RXRA: variants seen among roughly 807,000 people sequenced by gnomAD.
The protein encoded by RXRA is retinoid X receptor alpha.
A neutral mutation model predicts 44.5 loss-of-function variants in RXRA; 5 were observed. The ratio of observed to expected loss-of-function variants is 0.11; its 90% confidence interval spans 0.06 to 0.24. The LOEUF is 0.24. Among genes scored for constraint, RXRA ranks in the 10% least tolerant of loss-of-function variants. RXRA has a pLI of 1.00. For missense variants in RXRA, 412 were observed against 646.5 expected, an observed-to-expected ratio of 0.64 and a Z score of 3.93; for synonymous variants, 291 against 271.4, an observed-to-expected ratio of 1.07 and a Z score of -0.71.
intron 3 of RXRA, 67 bp downstream of exon 3, chr9:134,408,366 C>T (rs1831091912): frequency 6.7e-7 from 1 of 1,487,456 alleles, no homozygotes; most frequent in African/African-American, 1.4e-5. Context: ...GGTCTGGAGG[C>T]CTCCCCAAAT....
At chr9:134,431,769 TC>T in intron 7 of RXRA, 135 bp from the exon 8 acceptor site, 1 of 618,452 alleles carries the variant, frequency 1.6e-6, no homozygotes, top group Non-Finnish European at 2.8e-6. Flanking sequence ...TGTCTGGGAG[TC>T]CTTGCCTTGG....
At chr9:134,431,309 G>A (rs895406863) in intron 7 of RXRA, among the ~76,000 whole-genome samples, 3 of 152,388 alleles carry the variant, frequency 2.0e-5, no homozygotes, top group African/African-American at 7.2e-5. Context: ...CGCCCCCAGC[G>A]TCTCCATGGA....
intron 1 of RXRA, among the ~76,000 whole-genome samples, chr9:134,396,027 C>T (rs1418353791): frequency 2.0e-5 from 3 of 152,186 alleles, no homozygotes; most frequent in Non-Finnish European, 2.9e-5. Flanking sequence ...GCAGCAGGTA[C>T]GGAGAGCCCA....
chr9:134,372,408 GC>G (rs1192558677), intron 1 of RXRA, among the ~76,000 whole-genome samples: 2 of 152,196 alleles, frequency 1.3e-5, no homozygotes, highest in Admixed American at 6.5e-5. Flanking sequence ...GGGGCCGCAG[GC>G]GAGGGTCCCT....
intron 1 of RXRA, among the ~76,000 whole-genome samples, chr9:134,386,874 C>G (rs1219080248): frequency 6.6e-6 from 1 of 152,286 alleles, no homozygotes; most frequent in African/African-American, 2.4e-5. Flanking sequence ...CTATGGAGGA[C>G]CCCTTGGGGT....
intron 1 of RXRA, among the ~76,000 whole-genome samples, chr9:134,390,993 G>A (rs1830791073): frequency 6.6e-6 from 1 of 152,184 alleles, no homozygotes; most frequent in African/African-American, 2.4e-5. Context: ...CAGGTGCTCT[G>A]TCCTTCAGGG....
At position 134,326,545 on chromosome 9, in the gene RXRA, G is replaced by T; in HGVS notation, c.-87G>T. On this transcript the variant is annotated 5_prime_UTR_variant, in exon 1 of 10. Transcript: ENST00000481739. ...CCACCGCAGCCGCCGGCTCCCCGCC[G>T]CCCGGGCCCGGGCCGGCCGCGCCGG... is the stretch of plus-strand genomic sequence containing the variant. 2 of 218,064 alleles carry T rather than the reference G, an allele frequency of 9.2e-6. No individual in the cohort carries two copies. The highest frequency in any genetic ancestry group is 1.5e-5 in the Non-Finnish European group (2 of 133,304). The allele number at this position is 218,064 out of a possible 1,614,324, so 13.5% of individuals were successfully genotyped here. A position where few individuals can be genotyped will look rare whatever the true frequency, so the allele number is the denominator to read the frequency against.
chr9:134,393,017 C>T (rs1330594765), intron 1 of RXRA, among the ~76,000 whole-genome samples: 2 of 97,758 alleles, frequency 2.0e-5, no homozygotes, highest in African/African-American at 6.3e-5. Context: ...GGTTACTTGG[C>T]TTCTTCTTAA....
In RXRA at chr9:134,401,614, C is replaced by T. The variant is rs755883474; in HGVS notation, c.29-18C>T. 29 of 1,612,366 alleles carry T rather than the reference C, an allele frequency of 1.8e-5. No homozygotes were observed. The highest frequency in any genetic ancestry group is 1.1e-4 in the South Asian group (10 of 91,064). On this transcript the variant is annotated intron_variant, in intron 1 of 9. Coordinates refer to ENST00000481739, the MANE Select transcript of RXRA (RefSeq NM_002957.6). Reference sequence around the variant, plus strand: ...GTCACCTGCACTGACCACTCTCCTGCGGCTTCTTGTCTTGCAGATTTCTCC... The same window carrying T: ...GTCACCTGCACTGACCACTCTCCTGTGGCTTCTTGTCTTGCAGATTTCTCC...
chr9:134,424,720 G>A, intron 6 of RXRA: 1 of 985,476 alleles, frequency 1.0e-6, no homozygotes, highest in Non-Finnish European at 1.2e-6. Flanking sequence ...CCAGGTGGCT[G>A]GAGAGGACCT....
intron 1 of RXRA, among the ~76,000 whole-genome samples, chr9:134,334,552 C>T (rs373197853): frequency 9.9e-5 from 15 of 152,230 alleles, no homozygotes; most frequent in South Asian, 2.1e-4. Flanking sequence ...TGTGCTGAGC[C>T]GTCCCTCGAA....
At chr9:134,369,434 G>A (rs1830463969) in intron 1 of RXRA, among the ~76,000 whole-genome samples, 1 of 115,042 alleles carries the variant, frequency 8.7e-6, no homozygotes, top group Admixed American at 1.0e-4. Flanking sequence ...GAGTGCAGGG[G>A]TTATGTGTGT....
chr9:134,346,975 G>C (rs1030448335), intron 1 of RXRA, among the ~76,000 whole-genome samples: 1 of 152,192 alleles, frequency 6.6e-6, no homozygotes, highest in Non-Finnish European at 1.5e-5. Context: ...ACCACATCCT[G>C]GACCTGGCCC....
rs1831193285 is a variant in RXRA, at chr9:134,413,990, C to T, written c.611-3168C>T. Among the ~76,000 whole-genome samples, 3 of 152,200 alleles carry T rather than the reference C, an allele frequency of 2.0e-5. No individual in the cohort carries two copies. In the East Asian group the frequency reaches 5.8e-4, roughly 29 times the overall value. On this transcript the variant is annotated intron_variant, in intron 4 of 9. Coordinates refer to ENST00000481739, the MANE Select transcript of RXRA (RefSeq NM_002957.6). The stretch of plus-strand genomic sequence containing the variant: ...CTCTGGTCTGGAGGGTAAAGAGGCT[C>T]TGTGTTTACAGACACCTCCCGCCCG...
Position 134,436,987 on chromosome 9 carries a change from G to A in RXRA, c.*373G>A, listed in dbSNP as rs1805346. 789 of 224,936 alleles carry A rather than the reference G, an allele frequency of 3.5e-3. 5 individuals are homozygous for A. The highest frequency in any genetic ancestry group is 0.016 in the African/African-American group (692 of 43,986). The allele number at this position is 224,936 out of a possible 1,614,324, so 13.9% of individuals were successfully genotyped here. A position where few individuals can be genotyped will look rare whatever the true frequency, so the allele number is the denominator to read the frequency against. ...AGTTGGGAACGGGGCTTTTGTTTCC[G>A]TTGCTGTTTATCGATGCTGGTTTTC... On this transcript the variant is annotated 3_prime_UTR_variant, in exon 10 of 10. Coordinates refer to ENST00000481739, the MANE Select transcript of RXRA (RefSeq NM_002957.6).
chr9:134,429,648 C>G lies in RXRA; in HGVS notation c.1043+408C>G, dbSNP rs574413454. ...CAGCCCGGGGCGTGGTGCGGCCTAACGCCTGTCCCCGTGCAGGCAGGGGTG... is the reference window on the plus strand; with the variant it reads ...CAGCCCGGGGCGTGGTGCGGCCTAAGGCCTGTCCCCGTGCAGGCAGGGGTG... On this transcript the variant is annotated intron_variant, in intron 7 of 9. Coordinates refer to ENST00000481739, the MANE Select transcript of RXRA (RefSeq NM_002957.6). Among the ~76,000 whole-genome samples the G allele has an allele frequency of 2.6e-5, 4 of 152,208 alleles. No individual in the cohort carries two copies. In the South Asian group the frequency reaches 8.3e-4, roughly 31 times the overall value.
At chr9:134,344,652 G>A (rs1177667464) in intron 1 of RXRA, among the ~76,000 whole-genome samples, 1 of 152,134 alleles carries the variant, frequency 6.6e-6, no homozygotes, top group Admixed American at 6.5e-5. Flanking sequence ...GCTGCGTAGC[G>A]CCCTCTGTGG....
chr9:134,373,756 C>T (rs1017570653), intron 1 of RXRA, among the ~76,000 whole-genome samples: 55 of 152,378 alleles, frequency 3.6e-4, no homozygotes, highest in African/African-American at 1.2e-3. Context: ...CAGCCGATAG[C>T]CAGGTTCCTG....
At position 134,409,332 on chromosome 9, in the gene RXRA, G is replaced by T. The variant is rs184834211; in HGVS notation, c.610+213G>T. On this transcript the variant is annotated intron_variant, in intron 4 of 9. Transcript: ENST00000481739. ...CATGGGTCCTGGGCGGCATGTTCTG[G>T]CTGGCGTTGGCTGTCCGGTGAGGGG... is the stretch of plus-strand genomic sequence containing the variant. Among the ~76,000 whole-genome samples the T allele has an allele frequency of 6.6e-5, 10 of 152,358 alleles. No individual in the cohort carries two copies. In the East Asian group the frequency reaches 1.9e-3, roughly 29 times the overall value.
Sources: allele counts gnomAD v4.1 joint callset (sites outside exome capture counted in the v4.1 genomes callset), GRCh38; gene constraint gnomAD v4.1.1; transcripts MANE v1.5; gene names NCBI Gene and HGNC (gene_info 2026-07-23, HGNC 2026-07-21).